Variants in RNF220 observed in about 807,000 individuals in gnomAD.
RNF220 encodes E3 ubiquitin-protein ligase RNF220.
Under a neutral mutation model 67.1 loss-of-function variants are expected in RNF220, and 7 were observed. The observed-to-expected ratio is 0.10, with a 90% CI of 0.06 to 0.20. RNF220 has a LOEUF of 0.20. RNF220 is among the 10% of genes least tolerant of loss of function. The pLI is 1.00. For synonymous variants in RNF220, 270 were observed against 283.2 expected, an observed-to-expected ratio of 0.95 and a Z score of 0.47; for missense variants, 565 against 740.3, an observed-to-expected ratio of 0.76 and a Z score of 2.75.
rs531102884 is a variant in RNF220, at chr1:44,455,966, G to A, written c.625+43244G>A. On this transcript the variant is annotated intron_variant, in intron 2 of 14. Coordinates refer to ENST00000361799, the MANE Select transcript of RNF220 (RefSeq NM_018150.4). The stretch of plus-strand genomic sequence containing the variant: ...CTGAGGGAGTGTAAGCTTTGGGGTG[G>A]GAGTAAGGGGTAAATTAAATGCCTC... Among the ~76,000 whole-genome samples, 13 of 152,292 alleles carry A rather than the reference G, an allele frequency of 8.5e-5. No individual in the cohort carries two copies. In the South Asian group the frequency reaches 2.1e-3, roughly 24 times the overall value.
chr1:44,407,828 G>C (rs1288631735), intron 1 of RNF220, among the ~76,000 whole-genome samples: 1 of 152,152 alleles, frequency 6.6e-6, no homozygotes, highest in African/African-American at 2.4e-5. Context: ...TGCGCGCGGC[G>C]GCGGGACCCG....
chr1:44,594,328 C>A (rs1030582857), intron 2 of RNF220, among the ~76,000 whole-genome samples: 3 of 152,182 alleles, frequency 2.0e-5, no homozygotes, highest in African/African-American at 7.2e-5. Context: ...ATCCTACCCC[C>A]TTCACCTGCA....
intron 2 of RNF220, among the ~76,000 whole-genome samples, chr1:44,577,090 G>A (rs1175622195): frequency 6.6e-6 from 1 of 152,212 alleles, no homozygotes; most frequent in Non-Finnish European, 1.5e-5. Flanking sequence ...AGTCAAGACA[G>A]TCTGTCCAAC....
At chr1:44,463,290 G>A (rs1229525034) in intron 2 of RNF220, among the ~76,000 whole-genome samples, 6 of 149,996 alleles carry the variant, frequency 4.0e-5, no homozygotes, top group African/African-American at 9.8e-5. Flanking sequence ...AGCTGAGATC[G>A]CACCATTGCT....
rs147921318 is a variant in RNF220 at position 44,636,187 on chromosome 1, T to G, written c.1126+25T>G. 1,350 of 1,583,028 alleles carry G rather than the reference T, an allele frequency of 8.5e-4. 10 individuals carry two copies. The African/African-American group carries it at 0.012, about 14-fold the overall frequency. On this transcript the variant is annotated intron_variant, in intron 8 of 14. Transcript: ENST00000361799. ...GGTACAAGCAGCTGACACGTAGACA[T>G]TGGCACTCTGGTGCCAGGCCTCTGC... is the stretch of plus-strand genomic sequence containing the variant.
At chr1:44,488,727 C>CTTTTTTTTTTTTTTTTTTTTT (rs55968850) in intron 2 of RNF220, among the ~76,000 whole-genome samples, 1 of 102,558 alleles carries the variant, frequency 9.8e-6, no homozygotes, top group South Asian at 3.5e-4. Flanking sequence ...TTTCTTTTTT[C>CTTTTTTTTTTTTTTTTTTTTT]TTTTTTTTTT....
chr1:44,411,606 T>G (rs1433044829), intron 1 of RNF220, among the ~76,000 whole-genome samples: 1 of 152,216 alleles, frequency 6.6e-6, no homozygotes, highest in Non-Finnish European at 1.5e-5. Flanking sequence ...GAGTGGTGGA[T>G]GCAGGTGGAA....
chr1:44,617,260 G>A (rs896731036), intron 3 of RNF220, among the ~76,000 whole-genome samples: 2 of 152,086 alleles, frequency 1.3e-5, no homozygotes, highest in African/African-American at 2.4e-5. Context: ...TATCTGTCTC[G>A]GCCCCGCCGC....
intron 3 of RNF220, 145 bp downstream of exon 3, chr1:44,614,442 A>G: frequency 1.1e-6 from 1 of 906,326 alleles, no homozygotes; most frequent in Non-Finnish European, 1.6e-6. Context: ...ACTCTGTTTC[A>G]ATCCTCAGAT....
chr1:44,456,244 T>C (rs4660277), intron 2 of RNF220, among the ~76,000 whole-genome samples: 2,471 of 152,280 alleles, frequency 0.016, 40 homozygotes, highest in South Asian at 0.049. Flanking sequence ...AAGGGTCCAA[T>C]GTTCCTATTA....
chr1:44,431,030 G>A (rs964142954), intron 2 of RNF220, among the ~76,000 whole-genome samples: 9 of 152,176 alleles, frequency 5.9e-5, no homozygotes, highest in African/African-American at 2.2e-4. Context: ...AGTCACAATT[G>A]CTGGGAAAGT....
At chr1:44,506,451 G>A (rs1287995780) in intron 2 of RNF220, among the ~76,000 whole-genome samples, 1 of 152,254 alleles carries the variant, frequency 6.6e-6, no homozygotes. Flanking sequence ...GCACAGGAGT[G>A]GAGTGAGGGC....
chr1:44,644,677 C>A, intron 8 of RNF220, 21 bp from the exon 9 acceptor site: 1 of 1,609,916 alleles, frequency 6.2e-7, no homozygotes, highest in Non-Finnish European at 8.5e-7. Context: ...CCAGGCCCTC[C>A]TCACACCCTG....
At chr1:44,502,157 TCACA>T (rs57102316) in intron 2 of RNF220, among the ~76,000 whole-genome samples, 33,487 of 144,006 alleles carry the variant, frequency 0.23, 4,577 homozygotes, top group Non-Finnish European at 0.3. Context: ...TCTCTCTCTC[TCACA>T]CACACACACA....
At chr1:44,636,314 G>A (rs1473808970) in intron 8 of RNF220, 152 bp downstream of exon 8, 19 of 948,214 alleles carry the variant, frequency 2.0e-5, no homozygotes, top group Non-Finnish European at 2.7e-5. Flanking sequence ...CTTTGTGACC[G>A]TGCTGCCTGC....
intron 2 of RNF220, among the ~76,000 whole-genome samples, chr1:44,514,994 G>A (rs914832055): frequency 3.3e-5 from 5 of 152,180 alleles, no homozygotes; most frequent in African/African-American, 1.2e-4. Context: ...CAGTCATGGG[G>A]GAACAAACAC....
Position 44,624,483 on chromosome 1 carries a change from A to G in RNF220, c.804+1696A>G, listed in dbSNP as rs1210714596. 2.0e-5 allele frequency among the ~76,000 whole-genome samples: 3 copies of G among 152,216 alleles called. No individual in the cohort carries two copies. The highest frequency in any genetic ancestry group is 4.4e-5 in the Non-Finnish European group (3 of 68,042). ...AAACATGTGTCCTGAAACCACAGAC[A>G]CAGGCATACTGACCATGAGACACAG... On this transcript the variant is annotated intron_variant, in intron 4 of 14. Coordinates refer to ENST00000361799, the MANE Select transcript of RNF220 (RefSeq NM_018150.4). This position sits in a 1 kb window ranked among gnomAD's most constrained non-coding sequence, Gnocchi z 4.2.
intron 2 of RNF220, among the ~76,000 whole-genome samples, chr1:44,546,336 G>T (rs556239391): frequency 7.9e-5 from 12 of 152,236 alleles, no homozygotes; most frequent in African/African-American, 2.9e-4. Context: ...GCATGGCTAG[G>T]ACTTCTACCT....
At chr1:44,529,961 G>C (rs868776973) in intron 2 of RNF220, among the ~76,000 whole-genome samples, 2 of 151,978 alleles carry the variant, frequency 1.3e-5, no homozygotes, top group African/African-American at 4.8e-5. Flanking sequence ...GGCTGAGGCA[G>C]GAGAATCGCT....
Sources: gnomAD v4.1 joint callset for allele counts (sites outside exome capture counted in the v4.1 genomes callset) on GRCh38, gnomAD v4.1.1 for gene constraint, Gnocchi (gnomAD v3.1) non-coding constraint, MANE v1.5 for transcripts, NCBI Gene and HGNC (gene_info 2026-07-23, HGNC 2026-07-21) for gene names.